The following RNF19B variants were observed in gnomAD, a reference collection of about 807,000 sequenced individuals.
The protein encoded by RNF19B is E3 ubiquitin-protein ligase RNF19B.
A neutral mutation model predicts 65.5 loss-of-function variants in RNF19B; 23 were observed. The ratio of observed to expected loss-of-function variants is 0.35; its 90% CI spans 0.25 to 0.50. The LOEUF is 0.50. Among genes scored for constraint, RNF19B ranks in the 20% least tolerant of loss-of-function variants. RNF19B has a pLI of 0.98. For synonymous variants in RNF19B, 372 were observed against 379.6 expected (o/e 0.98, Z 0.23); for missense variants, 794 against 980.0 (o/e 0.81, Z 2.53).
At chr1:32,958,583 G>A (rs1313647729) in intron 1 of RNF19B, among the ~76,000 whole-genome samples, 1 of 152,244 alleles carries the variant, frequency 6.6e-6, no homozygotes, top group East Asian at 1.9e-4. Flanking sequence ...AGGCATGGTT[G>A]CAGGTGCCTG....
At chr1:32,950,680 G>A (rs1642472919) in intron 1 of RNF19B, among the ~76,000 whole-genome samples, 1 of 151,642 alleles carries the variant, frequency 6.6e-6, no homozygotes, top group Non-Finnish European at 1.5e-5. Context: ...GGGACTACAG[G>A]TGCGCACCAC....
intron 5 of RNF19B, among the ~76,000 whole-genome samples, chr1:32,944,632 G>A (rs190820765): frequency 1.9e-4 from 29 of 152,174 alleles, no homozygotes; most frequent in Admixed American, 1.8e-3. Context: ...AACAGGATCT[G>A]AAGGCAGATT....
Position 32,964,803 on chromosome 1 carries a change from C to G in RNF19B, c.-118G>C, listed in dbSNP as rs1250180042. Reference sequence around the variant, plus strand: ...GCCACCACCGCCTCAACCGCCCTCCCGGCGATAGAAGCCGAGCGGCAACGA... The same window carrying G: ...GCCACCACCGCCTCAACCGCCCTCCGGGCGATAGAAGCCGAGCGGCAACGA... On this transcript the variant is annotated 5_prime_UTR_variant, in exon 1 of 9. Transcript: ENST00000235150. This position sits in a 1 kb window ranked among gnomAD's most constrained non-coding sequence, Gnocchi z 6.5. 3 of 1,018,282 alleles carry G rather than the reference C, an allele frequency of 2.9e-6. No individual in the cohort carries two copies. The highest frequency in any genetic ancestry group is 3.9e-6 in the Non-Finnish European group (3 of 777,966). The allele number at this position is 1,018,282 out of a possible 1,614,324, so 63.1% of individuals were successfully genotyped here. A position where few individuals can be genotyped will look rare whatever the true frequency, so the allele number is the denominator to read the frequency against.
rs771339525 is a variant in RNF19B at position 32,949,597 on chromosome 1, A to G, written c.813T>C (p.Gly271=). The change falls in exon 2 of 9, where the codon GGT becomes GGC. Residue 271 remains glycine (G), a synonymous_variant. Coordinates refer to ENST00000235150, the MANE Select transcript of RNF19B (RefSeq NM_001300826.2). ...TLRVRTKHTS[G]LSYGQESGPD... is the part of the protein sequence containing the mutation. ...GTCCAGATTCTTGCCCATAACTGAG[A>G]CCTGAAGTGTGTTTGGTCCGAACTC... is the stretch of plus-strand genomic sequence containing the variant. The G allele has an allele frequency of 1.5e-5, 25 of 1,613,902 alleles. No individual in the cohort carries two copies. The South Asian group carries it at 2.7e-4, about 18-fold the overall frequency.
Position 32,936,774 on chromosome 1 carries a change from G to A in RNF19B, c.*32C>T, listed in dbSNP as rs781386050. On this transcript the variant is annotated 3_prime_UTR_variant, in exon 9 of 9. Transcript: ENST00000235150. ...AATTCCAAAAGATGCAGTTACAAGTGTGCTTCTCAGAACAGGAGCATTCAT... is the reference window on the plus strand; with the variant it reads ...AATTCCAAAAGATGCAGTTACAAGTATGCTTCTCAGAACAGGAGCATTCAT... 5 of 1,465,700 alleles carry A rather than the reference G, an allele frequency of 3.4e-6. No individual in the cohort carries two copies. Among genetic ancestry groups the A allele is most frequent in the Non-Finnish European group, 3.6e-6 (4 of 1,101,066 alleles). 90.8% of individuals were successfully genotyped at this position (1,465,700 alleles called of 1,614,324 possible). A position where few individuals can be genotyped will look rare whatever the true frequency, so the allele number is the denominator to read the frequency against.
chr1:32,946,026 G>A (rs1488767485), intron 4 of RNF19B, among the ~76,000 whole-genome samples: 1 of 152,032 alleles, frequency 6.6e-6, no homozygotes, highest in African/African-American at 2.4e-5. Flanking sequence ...ACCATACCCA[G>A]CTAATTTTTC....
intron 1 of RNF19B, among the ~76,000 whole-genome samples, chr1:32,960,045 C>G (rs1431203380): frequency 6.7e-6 from 1 of 150,258 alleles, no homozygotes; most frequent in Non-Finnish European, 1.5e-5. Flanking sequence ...AGCGAGACTC[C>G]GTCTCAAAAA....
chr1:32,964,257 C>T lies in RNF19B; in HGVS notation c.429G>A (p.Arg143=). 6.5e-7 allele frequency: 1 copy of T among 1,542,216 alleles called. No homozygotes were observed. The highest frequency in any genetic ancestry group is 8.7e-7 in the Non-Finnish European group (1 of 1,144,714). ...RLLSCPHRSC[R]DCLRHYLRLE... is the part of the protein sequence containing the mutation. Reference sequence around the variant, plus strand: ...GGCGCAGGTAGTGGCGGAGGCAGTCCCGGCACGAGCGGTGCGGACAGCTGA... The same window carrying T: ...GGCGCAGGTAGTGGCGGAGGCAGTCTCGGCACGAGCGGTGCGGACAGCTGA... Residue 143 remains arginine (R), a synonymous_variant, in exon 1 of 9, where the codon CGG becomes CGA. Coordinates refer to ENST00000235150, the MANE Select transcript of RNF19B (RefSeq NM_001300826.2). The surrounding 1 kb of genome is among the most constrained non-coding windows in gnomAD (Gnocchi z 6.5).
downstream of RNF19B, among the ~76,000 whole-genome samples, chr1:32,936,282 G>C (rs1194873764): frequency 6.6e-6 from 1 of 152,164 alleles, no homozygotes; most frequent in African/African-American, 2.4e-5. Flanking sequence ...TTTGCTTCCT[G>C]TCATGCTAGG....
At chr1:32,948,392 A>C in intron 2 of RNF19B, 29 bp from the exon 3 acceptor site, 2 of 1,604,922 alleles carry the variant, frequency 1.2e-6, no homozygotes, top group South Asian at 2.2e-5. Flanking sequence ...GAATGGGTAG[A>C]AAAAATACCC....
chr1:32,937,074 T>C lies in RNF19B; in HGVS notation c.1928A>G (p.Gln643Arg), dbSNP rs1484804200. Residue 643 changes from glutamine to arginine, a missense_variant, in exon 9 of 9, where the codon CAG becomes CGG. Around this residue, in one of 3 missense-constraint regions of RNF19B, gnomAD observed 368 missense variants for 447.3 expected, o/e 0.82. Coordinates refer to ENST00000235150, the MANE Select transcript of RNF19B (RefSeq NM_001300826.2). ...AGGTTTGCTGGCCAGGCAGTCTTTC[T>C]GTTCACAGCTTTGGTGTCTGCAGGG... The part of the protein sequence containing the change: ...DPPCRHQSCE[Q>R]KDCLASKPWD... 6.2e-7 allele frequency: 1 copy of C among 1,614,108 alleles called. No homozygotes were observed. Among genetic ancestry groups the C allele is most frequent in the Non-Finnish European group, 8.5e-7 (1 of 1,180,058 alleles).
intron 1 of RNF19B, among the ~76,000 whole-genome samples, chr1:32,950,061 C>A (rs1473790082): frequency 6.6e-6 from 1 of 152,002 alleles, no homozygotes; most frequent in Non-Finnish European, 1.5e-5. Context: ...CCTCCACCTC[C>A]CAGGTTCAAG....
chr1:32,938,747 C>G (rs911545414), intron 7 of RNF19B, among the ~76,000 whole-genome samples: 11 of 152,162 alleles, frequency 7.2e-5, no homozygotes, highest in African/African-American at 2.7e-4. Context: ...TACTGCTGAA[C>G]TTCAGGTTTT....
intron 1 of RNF19B, among the ~76,000 whole-genome samples, chr1:32,960,549 C>T (rs1642745658): frequency 6.6e-6 from 1 of 152,040 alleles, no homozygotes; most frequent in Admixed American, 6.6e-5. Flanking sequence ...GGTGGGAGTA[C>T]TGCTTTAGTC....
chr1:32,961,975 G>GT (rs543372858), intron 1 of RNF19B, among the ~76,000 whole-genome samples: 325 of 145,318 alleles, frequency 2.2e-3, no homozygotes, highest in Middle Eastern at 7.2e-3. Flanking sequence ...GCAGTGTTTT[G>GT]TTTTTTTTTT....
Position 32,936,680 on chromosome 1 carries a change from A to C in RNF19B, c.*126T>G. Reference sequence around the variant, plus strand: ...AATTTCTCAGAATTTCCCTGGGCAAAAACCTGTGACCAGAGAATCTGTGAA... The same window carrying C: ...AATTTCTCAGAATTTCCCTGGGCAACAACCTGTGACCAGAGAATCTGTGAA... On this transcript the variant is annotated 3_prime_UTR_variant, in exon 9 of 9. Transcript: ENST00000235150. The C allele has an allele frequency of 1.0e-6, 1 of 987,378 alleles. No homozygotes were observed. Among genetic ancestry groups the C allele is most frequent in the Non-Finnish European group, 1.4e-6 (1 of 725,416 alleles). The allele number at this position is 987,378 out of a possible 1,614,324, so 61.2% of individuals were successfully genotyped here. A position where few individuals can be genotyped will look rare whatever the true frequency, so the allele number is the denominator to read the frequency against.
intron 1 of RNF19B, among the ~76,000 whole-genome samples, chr1:32,954,548 G>A (rs1355072972): frequency 6.6e-6 from 1 of 151,684 alleles, no homozygotes; most frequent in African/African-American, 2.4e-5. Flanking sequence ...AGACCAGCCT[G>A]GCCAACATGG....
chr1:32,951,393 G>A (rs1642494742), intron 1 of RNF19B, among the ~76,000 whole-genome samples: 1 of 152,052 alleles, frequency 6.6e-6, no homozygotes, highest in African/African-American at 2.4e-5. Context: ...AGCTCTTCTT[G>A]CAGGAGGTGC....
chr1:32,949,319 T>C (rs1642435126), intron 2 of RNF19B, among the ~76,000 whole-genome samples: 1 of 152,220 alleles, frequency 6.6e-6, no homozygotes, highest in Admixed American at 6.5e-5. Context: ...ATCTGAGACA[T>C]ATTACTAAGA....
Sources: gnomAD v4.1 joint callset for allele counts (sites outside exome capture counted in the v4.1 genomes callset) on GRCh38, gnomAD v4.1.1 for gene constraint, gnomAD v4.1.1 regional missense constraint, Gnocchi (gnomAD v3.1) non-coding constraint, MANE v1.5 for transcripts, NCBI Gene and HGNC (gene_info 2026-07-23, HGNC 2026-07-21) for gene names.